The following DHX57 variants were observed in gnomAD, a reference collection of about 807,000 sequenced individuals.
The protein encoded by DHX57 is DExH-box helicase 57.
In DHX57, 105 loss-of-function variants were observed where a neutral mutation model predicts 156.2. The ratio of observed to expected loss-of-function variants is 0.67; its 90% CI spans 0.57 to 0.79. The LOEUF is 0.79. Among genes scored for constraint, DHX57 ranks in the 30% least tolerant of loss-of-function variants. The probability of loss-of-function intolerance (pLI) is 0.00; values close to 1 mark genes in which losing one functional copy is unlikely to be tolerated. For synonymous variants in DHX57, 704 were observed against 595.6 expected (o/e 1.18, Z -2.65); for missense variants, 1,847 against 1,661.9 (o/e 1.11, Z -1.94).
chr2:38,803,169 G>T, intron 22 of DHX57: 1 of 431,030 alleles, frequency 2.3e-6, no homozygotes, highest in Non-Finnish European at 4.2e-6. Flanking sequence ...GTAGAGATAG[G>T]GTCTCACCAT....
At chr2:38,862,424 G>A in intron 3 of DHX57, 91 bp from the exon 4 acceptor site, 6 of 1,213,340 alleles carry the variant, frequency 4.9e-6, no homozygotes, top group East Asian at 2.7e-5. Context: ...TAATTCATAG[G>A]ATCCTGACTA....
rs187581276 is a variant in DHX57 at position 38,853,887 on chromosome 2, A to C, written c.2030+167T>G. ...CATGTGCTGTCCTTTTTAGTGTTACAGACCCTGGAGATCAAGAAAGCAGTT... is the reference window on the plus strand; with the variant it reads ...CATGTGCTGTCCTTTTTAGTGTTACCGACCCTGGAGATCAAGAAAGCAGTT... On this transcript the variant is annotated intron_variant, in intron 9 of 23. Coordinates refer to ENST00000457308, the MANE Select transcript of DHX57 (RefSeq NM_198963.3). The C allele has an allele frequency of 1.2e-4, 69 of 572,758 alleles. No homozygotes were observed. In the Middle Eastern group the frequency reaches 2.1e-3, roughly 17 times the overall value. The allele number at this position is 572,758 out of a possible 1,614,324, so 35.5% of individuals were successfully genotyped here. A position where few individuals can be genotyped will look rare whatever the true frequency, so the allele number is the denominator to read the frequency against.
intron 20 of DHX57, 102 bp from the exon 21 acceptor site, chr2:38,813,997 G>A: frequency 2.3e-6 from 3 of 1,327,546 alleles, no homozygotes; most frequent in Non-Finnish European, 3.2e-6. Context: ...GTGTGCAGTG[G>A]CGCCATCTCA....
rs1391604511 is a variant in DHX57, at chr2:38,837,824, C to T, written c.2542+7G>A. On this transcript the variant is annotated splice_region_variant and intron_variant, in intron 13 of 23. Transcript: ENST00000457308. ...TGTCATTCAAGCCTTAATAAAGAAG[C>T]AGTTACCTGGAGGGTAGGAGTGCTT... 3 of 1,517,388 alleles carry T rather than the reference C, an allele frequency of 2.0e-6. No individual in the cohort carries two copies. Among genetic ancestry groups the T allele is most frequent in the Non-Finnish European group, 2.7e-6 (3 of 1,093,276 alleles). The allele number at this position is 1,517,388 out of a possible 1,614,324, so 94.0% of individuals were successfully genotyped here.
intron 3 of DHX57, chr2:38,862,664 C>CACTTAATGTGT (rs1673298585): frequency 5.7e-6 from 1 of 174,330 alleles, no homozygotes; most frequent in African/African-American, 2.4e-5. Flanking sequence ...CTAGGTTACA[C>CACTTAATGTGT]ATTAAGGAGC....
rs190359732 is a variant in DHX57 at position 38,810,735 on chromosome 2, G to A, written c.3681+3086C>T. The A allele has an allele frequency of 5.4e-4, 445 of 819,312 alleles. 1 individual carries two copies. The African/African-American group carries it at 6.8e-3, about 12-fold the overall frequency. The allele number at this position is 819,312 out of a possible 1,614,324, so 50.8% of individuals were successfully genotyped here. ...TGTACACCAACTCAGCAAATTTCAA[G>A]CCCAGGCCTTGTTTGATTTTGCGCA... On this transcript the variant is annotated intron_variant, in intron 21 of 23. Coordinates refer to ENST00000457308, the MANE Select transcript of DHX57 (RefSeq NM_198963.3).
intron 3 of DHX57, chr2:38,863,138 A>G (rs1019187889): frequency 2.9e-4 from 139 of 480,562 alleles, no homozygotes; most frequent in Non-Finnish European, 2.1e-4. Flanking sequence ...ACTGCCCTGG[A>G]AAAAAATAAA....
intron 1 of DHX57, among the ~76,000 whole-genome samples, chr2:38,873,696 T>A (rs1558412433): frequency 6.6e-6 from 1 of 152,220 alleles, no homozygotes; most frequent in Non-Finnish European, 1.5e-5. Flanking sequence ...TGAGCACTTA[T>A]TATGTGCCAG....
intron 13 of DHX57, among the ~76,000 whole-genome samples, chr2:38,828,664 G>A (rs60012208): frequency 0.36 from 54,641 of 151,378 alleles, 10,043 homozygotes; most frequent in African/African-American, 0.38. Context: ...CGGAGTTTGC[G>A]GTAAGCCAAG....
At chr2:38,805,076 G>A (rs536487321) in intron 22 of DHX57, among the ~76,000 whole-genome samples, 1 of 152,220 alleles carries the variant, frequency 6.6e-6, no homozygotes, top group South Asian at 2.1e-4. Context: ...GATATTACAT[G>A]GATACATGAA....
rs1374355575 is a variant in DHX57, at chr2:38,815,637, G to A, written c.3490C>T (p.Arg1164Ter). Reference protein sequence around the residue: ...RVLQEMASLKRQFTELLSDIG... With the variant: ...RVLQEMASLK ...TCCGATAACAGTTCCGTGAATTGTC[G>A]TTTGAGGCTGGCCATTTCCTGAAAG... is the stretch of plus-strand genomic sequence containing the variant. Residue 1164 changes from arginine to a stop codon, truncating the protein, a stop_gained, in exon 20 of 24, where the codon CGA (arginine) becomes TGA (stop). Coordinates refer to ENST00000457308, the MANE Select transcript of DHX57 (RefSeq NM_198963.3). LOFTEE classifies it high-confidence loss of function. 3 of 1,614,010 alleles carry A rather than the reference G, an allele frequency of 1.9e-6. No individual in the cohort carries two copies. The highest frequency in any genetic ancestry group is 2.2e-5 in the South Asian group (2 of 91,080).
At position 38,807,923 on chromosome 2, in the gene DHX57, GGCGTGA is replaced by G. The variant is rs376615536; in HGVS notation, c.3682-1236_3682-1231del. Among the ~76,000 whole-genome samples the G allele has an allele frequency of 5.8e-3, 860 of 148,576 alleles. 4 individuals are homozygous for G. Among genetic ancestry groups the G allele is most frequent in the Non-Finnish European group, 9.8e-3 (664 of 67,508 alleles). On this transcript the variant is annotated intron_variant, in intron 21 of 23. Transcript: ENST00000457308. Reference sequence around the variant, plus strand: ...TGTCTCCCAAAGTGCTGGGATTACAGGCGTGAGCCACTGTGTCTTGCCTTTTTTTTT... The same window carrying G: ...TGTCTCCCAAAGTGCTGGGATTACAGGCCACTGTGTCTTGCCTTTTTTTTT...
At chr2:38,801,884 A>G (rs932355326) in intron 23 of DHX57, among the ~76,000 whole-genome samples, 3 of 152,218 alleles carry the variant, frequency 2.0e-5, no homozygotes, top group African/African-American at 7.2e-5. Context: ...GGCGTAAGCC[A>G]CCGCACCTGG....
chr2:38,799,006 A>G (rs1669534282), intron 23 of DHX57, among the ~76,000 whole-genome samples: 1 of 152,104 alleles, frequency 6.6e-6, no homozygotes, highest in Non-Finnish European at 1.5e-5. Context: ...TGTTCTCCAT[A>G]TTAAAGTTTG....
chr2:38,815,618 A>T lies in DHX57; in HGVS notation c.3509T>A (p.Leu1170Ter). The T allele has an allele frequency of 6.2e-7, 1 of 1,614,114 alleles. No individual in the cohort carries two copies. Residue 1170 changes from leucine (L) to a stop codon, truncating the protein, a stop_gained, in exon 20 of 24, where the codon TTA becomes TAA. Transcript: ENST00000457308. LOFTEE classifies it high-confidence loss of function. The stretch of plus-strand genomic sequence containing the variant: ...TTCCCTTGCAAACCCTATATCCGAT[A>T]ACAGTTCCGTGAATTGTCGTTTGAG... ...ASLKRQFTEL[L>*]SDIGFAREGL...
At position 38,813,246 on chromosome 2, in the gene DHX57, A is replaced by T. The variant is rs558944375; in HGVS notation, c.3681+575T>A. On this transcript the variant is annotated intron_variant, in intron 21 of 23. Transcript: ENST00000457308. ...TAGTTATATATAGGTTGGCCGACTGACATTTATGTCTATTTTAATTTTTGG... is the reference window on the plus strand; with the variant it reads ...TAGTTATATATAGGTTGGCCGACTGTCATTTATGTCTATTTTAATTTTTGG... Among the ~76,000 whole-genome samples, 12 of 152,330 alleles carry T rather than the reference A, an allele frequency of 7.9e-5. No individual in the cohort carries two copies. The East Asian group carries it at 9.7e-4, about 12-fold the overall frequency.
chr2:38,865,584 C>T (rs1389982743), intron 2 of DHX57, among the ~76,000 whole-genome samples: 1 of 152,186 alleles, frequency 6.6e-6, no homozygotes, highest in East Asian at 1.9e-4. Flanking sequence ...TTGATACATG[C>T]ATACAATGTG....
rs560843828 is a variant in DHX57, at chr2:38,819,158, G to A, written c.3292-14C>T. 1.6e-5 allele frequency: 26 copies of A among 1,608,266 alleles called. No homozygotes were observed. The highest frequency in any genetic ancestry group is 1.0e-4 in the Admixed American group (6 of 59,462). ...CCAGGGAGATACCTAAAGGAGAGAG[G>A]AAAATCAGATTTAAAGAACACTTTT... On this transcript the variant is annotated splice_polypyrimidine_tract_variant and intron_variant, in intron 17 of 23. Coordinates refer to ENST00000457308, the MANE Select transcript of DHX57 (RefSeq NM_198963.3).
chr2:38,855,535 G>A (rs1051648892), intron 7 of DHX57, among the ~76,000 whole-genome samples: 2 of 152,102 alleles, frequency 1.3e-5, no homozygotes, highest in Non-Finnish European at 2.9e-5. Flanking sequence ...TTCTAGGAAC[G>A]TAAACTCTAC....
Sources: gnomAD v4.1 joint callset for allele counts (sites outside exome capture counted in the v4.1 genomes callset) on GRCh38, gnomAD v4.1.1 for gene constraint, MANE v1.5 for transcripts, NCBI Gene and HGNC (gene_info 2026-07-23, HGNC 2026-07-21) for gene names.